The following ADGRD2 variants were observed in gnomAD, a reference collection of about 807,000 sequenced individuals.
The protein encoded by ADGRD2 is adhesion G protein-coupled receptor D2.
Under a neutral mutation model 44.4 loss-of-function variants are expected in ADGRD2, and 71 were observed. The ratio of observed to expected loss-of-function variants is 1.60; its 90% CI spans 1.32 to 1.95. The LOEUF is 1.95. Ranked by LOEUF, ADGRD2 falls within the 30% of genes most tolerant of loss-of-function variation. The pLI is 0.00. For missense variants in ADGRD2, 1,039 were observed against 512.4 expected, an observed-to-expected ratio of 2.03 and a Z score of -9.92; for synonymous variants, 481 against 224.8, an observed-to-expected ratio of 2.14 and a Z score of -10.19.
intron 10 of ADGRD2, among the ~76,000 whole-genome samples, chr9:124,461,113 C>T (rs1235743423): frequency 1.3e-5 from 2 of 152,188 alleles, no homozygotes; most frequent in Non-Finnish European, 2.9e-5. Context: ...TTCTTAAATG[C>T]ATCTTCAAAT....
chr9:124,472,958 A>G (rs1391957696), intron 17 of ADGRD2, among the ~76,000 whole-genome samples: 1 of 152,222 alleles, frequency 6.6e-6, no homozygotes, highest in African/African-American at 2.4e-5. Context: ...AAAAGGCAGG[A>G]GTGGGGTCTG....
intron 17 of ADGRD2, among the ~76,000 whole-genome samples, chr9:124,472,116 G>T (rs558101098): frequency 1.3e-5 from 2 of 152,254 alleles, no homozygotes; most frequent in African/African-American, 4.8e-5. Flanking sequence ...CCTCGGGTGG[G>T]CAGAGACACA....
chr9:124,454,656 C>A lies in ADGRD2; in HGVS notation c.1108+87C>A. The A allele has an allele frequency of 3.0e-6, 2 of 676,168 alleles. No homozygotes were observed. Among genetic ancestry groups the A allele is most frequent in the Non-Finnish European group, 5.5e-6 (2 of 362,568 alleles). 41.9% of individuals were successfully genotyped at this position (676,168 alleles called of 1,614,324 possible). A position where few individuals can be genotyped will look rare whatever the true frequency, so the allele number is the denominator to read the frequency against. On this transcript the variant is annotated intron_variant, in intron 5 of 21. Coordinates refer to ENST00000334810, the Ensembl canonical transcript of ADGRD2. This position sits in a 1 kb window ranked among gnomAD's most constrained non-coding sequence, Gnocchi z 4.5. Reference sequence around the variant, plus strand: ...AGTTTCCTCCCTTGTAAAGGGGACACCCACCTGGTGTGTCTGCAGGAATAA... The same window carrying A: ...AGTTTCCTCCCTTGTAAAGGGGACAACCACCTGGTGTGTCTGCAGGAATAA...
At chr9:124,470,422 G>A (rs1416631561) in intron 16 of ADGRD2, 72 bp from the exon 20 acceptor site, 2 of 666,132 alleles carry the variant, frequency 3.0e-6, no homozygotes, top group African/African-American at 1.8e-5. Context: ...TACAGGTGCT[G>A]CTCTCCCTGG....
At chr9:124,466,283 C>A in exon 11 of ADGRD2, 1 of 707,708 alleles carries the variant, frequency 1.4e-6, no homozygotes, top group Non-Finnish European at 2.6e-6. Context: ...CCCCATCCCC[C>A]AAGCCCATAT....
chr9:124,462,072 T>C (rs1831732157), intron 10 of ADGRD2, among the ~76,000 whole-genome samples: 1 of 151,656 alleles, frequency 6.6e-6, no homozygotes, highest in African/African-American at 2.4e-5. Flanking sequence ...TCTTTTCTTT[T>C]TTTGAGACAG....
At chr9:124,473,111 G>C (rs187635972) in intron 17 of ADGRD2, among the ~76,000 whole-genome samples, 8 of 152,110 alleles carry the variant, frequency 5.3e-5, no homozygotes, top group Non-Finnish European at 1.0e-4. Flanking sequence ...GTCTCTCTGT[G>C]TTTTCCCCTC....
chr9:124,475,774 G>C, intron 19 of ADGRD2, 159 bp downstream of exon 22: 2 of 548,442 alleles, frequency 3.6e-6, no homozygotes, highest in Non-Finnish European at 6.4e-6. Context: ...GAGCCCCATA[G>C]CCTTGGCTCC....
At chr9:124,453,380 G>T (rs1377696021) in exon 3 of ADGRD2, 15 of 565,102 alleles carry the variant, frequency 2.7e-5, no homozygotes, top group Non-Finnish European at 4.0e-5. Context: ...TTCTCCGATG[G>T]GAGGCGGCGC....
At chr9:124,463,686 A>T (rs770204446) in intron 10 of ADGRD2, among the ~76,000 whole-genome samples, 30 of 152,300 alleles carry the variant, frequency 2.0e-4, no homozygotes, top group Non-Finnish European at 3.8e-4. Flanking sequence ...CCTTTCAAAG[A>T]ATGTGTCCAT....
At chr9:124,474,095 G>A (rs1011973971) in intron 17 of ADGRD2, among the ~76,000 whole-genome samples, 3 of 152,054 alleles carry the variant, frequency 2.0e-5, no homozygotes, top group Admixed American at 6.5e-5. Context: ...GACCAATATG[G>A]TGAAACCCTG....
At chr9:124,452,807 G>A in intron 2 of ADGRD2, 85 bp downstream of exon 5, 1 of 653,554 alleles carries the variant, frequency 1.5e-6, no homozygotes, top group South Asian at 1.7e-5. Flanking sequence ...GACAATATTT[G>A]CAGAATGAGC....
rs1293918806 is a variant in ADGRD2, at chr9:124,459,267, G to A, written c.1870+546G>A. On this transcript the variant is annotated intron_variant, in intron 10 of 21. Transcript: ENST00000334810. ...AGCACTTTGGGAGGCCGAGGCGGGC[G>A]GATCACTTGAGGTCAGGAGTTCGAA... Among the ~76,000 whole-genome samples, 10 of 152,142 alleles carry A rather than the reference G, an allele frequency of 6.6e-5. No homozygotes were observed. The South Asian group carries it at 8.3e-4, about 13-fold the overall frequency.
In ADGRD2 at chr9:124,454,557, C is replaced by T; in HGVS notation, c.1098C>T (p.Ala366=). The T allele has an allele frequency of 1.4e-6, 1 of 717,014 alleles. No individual in the cohort carries two copies. The highest frequency in any genetic ancestry group is 2.7e-5 in the East Asian group (1 of 37,236). 44.4% of individuals were successfully genotyped at this position (717,014 alleles called of 1,614,324 possible). A position where few individuals can be genotyped will look rare whatever the true frequency, so the allele number is the denominator to read the frequency against. The change falls in exon 5 of 22, where the codon GCC becomes GCT. Residue 366 remains alanine, a synonymous_variant. Transcript: ENST00000334810. This position sits in a 1 kb window ranked among gnomAD's most constrained non-coding sequence, Gnocchi z 4.5. ...TTATCAGCCGAGTCAATGCCTTGGCCAACGACATTGTGGTGAGCTCCCTCT... is the reference window on the plus strand; with the variant it reads ...TTATCAGCCGAGTCAATGCCTTGGCTAACGACATTGTGGTGAGCTCCCTCT...
Position 124,452,157 on chromosome 9 carries a change from T to C in ADGRD2, c.69T>C (p.Val23=). The C allele has an allele frequency of 1.4e-6, 1 of 716,352 alleles. No homozygotes were observed. The highest frequency in any genetic ancestry group is 2.0e-5 in the Admixed American group (1 of 49,822). The allele number at this position is 716,352 out of a possible 1,614,324, so 44.4% of individuals were successfully genotyped here. A position where few individuals can be genotyped will look rare whatever the true frequency, so the allele number is the denominator to read the frequency against. Residue 23 remains valine, a splice_region_variant and synonymous_variant, in exon 1 of 22, where the codon GTT becomes GTC. Transcript: ENST00000334810. ...ATCAAGGAACCCTTGGGCCCCAGGTTGGTATGAGGGATCCCCCCAGGGAGG... is the reference window on the plus strand; with the variant it reads ...ATCAAGGAACCCTTGGGCCCCAGGTCGGTATGAGGGATCCCCCCAGGGAGG...
chr9:124,459,470 G>A (rs1831685030), intron 10 of ADGRD2, among the ~76,000 whole-genome samples: 1 of 151,906 alleles, frequency 6.6e-6, no homozygotes, highest in African/African-American at 2.4e-5. Flanking sequence ...CTCCAGCCTG[G>A]GTGACAGAAC....
intron 10 of ADGRD2, among the ~76,000 whole-genome samples, chr9:124,464,626 T>A (rs1377160723): frequency 6.6e-6 from 1 of 152,216 alleles, no homozygotes; most frequent in South Asian, 2.1e-4. Context: ...CTTCCCTACC[T>A]AGACTGGGGC....
chr9:124,454,620 C>A lies in ADGRD2; in HGVS notation c.1108+51C>A, dbSNP rs1351381124. The A allele has an allele frequency of 2.9e-6, 2 of 698,984 alleles. No individual in the cohort carries two copies. Among genetic ancestry groups the A allele is most frequent in the Non-Finnish European group, 5.4e-6 (2 of 373,330 alleles). 43.3% of individuals were successfully genotyped at this position (698,984 alleles called of 1,614,324 possible). A position where few individuals can be genotyped will look rare whatever the true frequency, so the allele number is the denominator to read the frequency against. ...AGCCTGGGGGCTCCATGGGTCACCT[C>A]GCTGCACCTCAGTTTCCTCCCTTGT... On this transcript the variant is annotated intron_variant, in intron 5 of 21. Transcript: ENST00000334810. This position sits in a 1 kb window ranked among gnomAD's most constrained non-coding sequence, Gnocchi z 4.5.
chr9:124,457,719 T>G, intron 8 of ADGRD2, 113 bp downstream of exon 11: 1 of 544,382 alleles, frequency 1.8e-6, no homozygotes, highest in South Asian at 2.8e-5. Flanking sequence ...TGCTCGTCTG[T>G]AAAATGGGCA....
Sources: allele counts gnomAD v4.1 joint callset (sites outside exome capture counted in the v4.1 genomes callset), GRCh38; gene constraint gnomAD v4.1.1; non-coding constraint Gnocchi (gnomAD v3.1); transcripts MANE v1.5; gene names NCBI Gene and HGNC (gene_info 2026-07-23, HGNC 2026-07-21).